The following VANGL1 variants were observed in gnomAD, a reference collection of about 807,000 sequenced individuals.
The protein encoded by VANGL1 is VANGL planar cell polarity protein 1, also known as vang-like protein 1.
VANGL1 carries 18 observed loss-of-function variants against 48.4 expected under a neutral mutation model. The ratio of observed to expected loss-of-function variants is 0.37; its 90% CI spans 0.26 to 0.55. The LOEUF (loss-of-function observed/expected upper bound fraction) is 0.55, where lower values mean the gene tolerates loss of function less well. Ranked by LOEUF, VANGL1 falls within the 20% of genes least tolerant of loss-of-function variation. The pLI, the probability that VANGL1 is intolerant of heterozygous loss-of-function variation, is 0.81. For missense variants in VANGL1, 667 were observed against 675.8 expected (o/e 0.99, Z 0.14); for synonymous variants, 257 against 261.8 (o/e 0.98, Z 0.18).
intron 7 of VANGL1, among the ~76,000 whole-genome samples, chr1:115,686,544 A>C (rs1653640739): frequency 6.6e-6 from 1 of 152,184 alleles, no homozygotes; most frequent in African/African-American, 2.4e-5. Flanking sequence ...AAGATACAGC[A>C]AATGACTTCT....
intron 1 of VANGL1, among the ~76,000 whole-genome samples, chr1:115,650,556 A>G (rs1010997751): frequency 6.6e-6 from 1 of 152,166 alleles, no homozygotes; most frequent in African/African-American, 2.4e-5. Flanking sequence ...TGTAACTGTA[A>G]TGTTGGTTCA....
chr1:115,648,933 G>A (rs1339685974), intron 1 of VANGL1, among the ~76,000 whole-genome samples: 1 of 152,172 alleles, frequency 6.6e-6, no homozygotes, highest in Non-Finnish European at 1.5e-5. Context: ...GTGGGAAATC[G>A]GTGTTCTGGG....
At chr1:115,681,474 G>A (rs1030020600) in intron 4 of VANGL1, among the ~76,000 whole-genome samples, 2 of 150,776 alleles carry the variant, frequency 1.3e-5, no homozygotes, top group Non-Finnish European at 2.9e-5. Flanking sequence ...AGATCAAGTG[G>A]TCTCAGCGGA....
At chr1:115,647,580 G>C (rs1177324136) in intron 1 of VANGL1, among the ~76,000 whole-genome samples, 1 of 152,182 alleles carries the variant, frequency 6.6e-6, no homozygotes, top group Non-Finnish European at 1.5e-5. Flanking sequence ...GATAAGAGTT[G>C]GTAACTATTA....
intron 7 of VANGL1, 87 bp from the exon 8 acceptor site, chr1:115,691,032 A>G (rs1479455402): frequency 6.3e-7 from 1 of 1,591,458 alleles, no homozygotes; most frequent in Non-Finnish European, 8.6e-7. Flanking sequence ...AAAGTTCTTT[A>G]TAGATGTGAG....
At chr1:115,643,422 T>G (rs1651806485) in intron 1 of VANGL1, among the ~76,000 whole-genome samples, 1 of 152,130 alleles carries the variant, frequency 6.6e-6, no homozygotes, top group Non-Finnish European at 1.5e-5. Flanking sequence ...GTTTTTAGGG[T>G]TGAATTAAAT....
intron 2 of VANGL1, among the ~76,000 whole-genome samples, chr1:115,654,374 G>A (rs949092209): frequency 1.3e-5 from 2 of 151,800 alleles, no homozygotes; most frequent in African/African-American, 4.8e-5. Context: ...GATGCCTGCA[G>A]TCTCCAGAGG....
rs147794961 is a variant in VANGL1, at chr1:115,651,702, A to G, written c.71+218A>G. Among the ~76,000 whole-genome samples the G allele has an allele frequency of 4.6e-5, 7 of 152,208 alleles. No individual in the cohort carries two copies. The East Asian group carries it at 9.7e-4, about 21-fold the overall frequency. ...GAGTTGATGACTTTAGTTTCTCACA[A>G]TTGGTTTTAAATTAAAGTTTCTTCC... On this transcript the variant is annotated intron_variant, in intron 2 of 7. Coordinates refer to ENST00000355485, the MANE Select transcript of VANGL1 (RefSeq NM_138959.3).
intron 4 of VANGL1, among the ~76,000 whole-genome samples, chr1:115,675,777 G>A (rs939387220): frequency 3.3e-5 from 5 of 152,124 alleles, no homozygotes; most frequent in South Asian, 2.1e-4. Flanking sequence ...GCGACAGAGC[G>A]AGACTCCATC....
intron 1 of VANGL1, among the ~76,000 whole-genome samples, chr1:115,650,662 T>C (rs902692735): frequency 6.6e-6 from 1 of 152,182 alleles, no homozygotes; most frequent in Non-Finnish European, 1.5e-5. Flanking sequence ...GTGATACTTT[T>C]CTGGTGGATG....
chr1:115,667,398 A>C (rs569917807), intron 4 of VANGL1, among the ~76,000 whole-genome samples: 1 of 152,336 alleles, frequency 6.6e-6, no homozygotes, highest in Non-Finnish European at 1.5e-5. Flanking sequence ...AGAAAGTAAG[A>C]TACCATAAAT....
chr1:115,642,903 C>T (rs1013640045), intron 1 of VANGL1, among the ~76,000 whole-genome samples: 5 of 152,172 alleles, frequency 3.3e-5, no homozygotes, highest in African/African-American at 1.2e-4. Context: ...AAAATTTAAA[C>T]GCGTCCGTGG....
At chr1:115,681,396 G>A (rs1310269441) in intron 4 of VANGL1, among the ~76,000 whole-genome samples, 4 of 151,998 alleles carry the variant, frequency 2.6e-5, no homozygotes, top group African/African-American at 9.7e-5. Context: ...TCGGAACATA[G>A]ATAGTCACCT....
intron 2 of VANGL1, among the ~76,000 whole-genome samples, chr1:115,652,356 G>A (rs1407643464): frequency 1.3e-5 from 2 of 152,324 alleles, no homozygotes; most frequent in African/African-American, 4.8e-5. Context: ...GCAAATGAAT[G>A]AATAAAGAAA....
At chr1:115,678,929 G>C (rs1158413976) in intron 4 of VANGL1, among the ~76,000 whole-genome samples, 1 of 150,974 alleles carries the variant, frequency 6.6e-6, no homozygotes, top group Non-Finnish European at 1.5e-5. Flanking sequence ...ACTCCAGCCT[G>C]GGTGACAGCG....
At chr1:115,655,700 C>T (rs909866789) in intron 2 of VANGL1, among the ~76,000 whole-genome samples, 1 of 152,178 alleles carries the variant, frequency 6.6e-6, no homozygotes, top group African/African-American at 2.4e-5. Context: ...TGTTTACTCT[C>T]CTGGTCTCCC....
At chr1:115,678,512 A>G (rs953208807) in intron 4 of VANGL1, among the ~76,000 whole-genome samples, 1 of 152,188 alleles carries the variant, frequency 6.6e-6, no homozygotes, top group Non-Finnish European at 1.5e-5. Context: ...CTTGGGACAG[A>G]GTGGGGATAG....
rs1653490759 is a variant in VANGL1, at chr1:115,683,956, A to G, written c.959A>G (p.Asn320Ser). The G allele has an allele frequency of 6.2e-7, 1 of 1,613,456 alleles. No homozygotes were observed. The highest frequency in any genetic ancestry group is 8.5e-7 in the Non-Finnish European group (1 of 1,179,638). ...CCTTTCCCCAAAGGCCCCAGTAACAATGCCACTGGCCAGTCCCGGGCCATG... is the reference window on the plus strand; with the variant it reads ...CCTTTCCCCAAAGGCCCCAGTAACAGTGCCACTGGCCAGTCCCGGGCCATG... ...KVYNVDGPSN[N>S]ATGQSRAMIA... The change falls in exon 6 of 8, where the codon AAT (asparagine) becomes AGT (serine). Residue 320 changes from asparagine (N) to serine (S), a missense_variant. Asn to Ser is a conservative substitution (Grantham distance 46, BLOSUM62 1). Transcript: ENST00000355485.
intron 4 of VANGL1, among the ~76,000 whole-genome samples, chr1:115,666,442 G>A (rs1403439836): frequency 3.3e-5 from 5 of 152,138 alleles, no homozygotes; most frequent in Non-Finnish European, 7.3e-5. Flanking sequence ...AGCAGCCCTC[G>A]CCTCCCACCA....
Sources: allele counts gnomAD v4.1 joint callset (sites outside exome capture counted in the v4.1 genomes callset), GRCh38; gene constraint gnomAD v4.1.1; transcripts MANE v1.5; gene names NCBI Gene and HGNC (gene_info 2026-07-23, HGNC 2026-07-21).